The following PPP1R16A variants were observed in gnomAD, a reference collection of about 807,000 sequenced individuals.
PPP1R16A encodes myosin phosphatase-targeting subunit 3.
PPP1R16A carries 39 observed loss-of-function variants against 46.6 expected under a neutral mutation model. That is an observed-to-expected ratio of 0.84 (90% CI 0.65 to 1.09). The LOEUF (loss-of-function observed/expected upper bound fraction) is 1.09, where lower values mean the gene tolerates loss of function less well. Ranked by LOEUF, PPP1R16A falls within the 50% of genes least tolerant of loss-of-function variation. PPP1R16A has a pLI of 0.00. For synonymous variants in PPP1R16A, 413 were observed against 321.5 expected (o/e 1.28, Z -3.04); for missense variants, 798 against 735.6 (o/e 1.08, Z -0.98).
rs1191224885 is a variant in PPP1R16A, at chr8:144,500,259, C to T, written c.581-8C>T. 10 of 1,561,294 alleles carry T rather than the reference C, an allele frequency of 6.4e-6. No individual in the cohort carries two copies. In the Admixed American group the frequency reaches 1.3e-4, roughly 21 times the overall value. On this transcript the variant is annotated splice_polypyrimidine_tract_variant and splice_region_variant and intron_variant, in intron 6 of 11. Transcript: ENST00000435887. Reference sequence around the variant, plus strand: ...GGTCGCGCTCCCTCTGAGCCTGCCGCCTCGCAGGCATCACCCAGGACAGCA... The same window carrying T: ...GGTCGCGCTCCCTCTGAGCCTGCCGTCTCGCAGGCATCACCCAGGACAGCA...
At chr8:144,497,984 C>A in intron 3 of PPP1R16A, 2 of 453,728 alleles carry the variant, frequency 4.4e-6, no homozygotes, top group Non-Finnish European at 8.9e-6. Flanking sequence ...CACCTGTGCC[C>A]CACGCTTGCA....
intron 2 of PPP1R16A, chr8:144,495,515 A>G (rs1268777022): frequency 6.6e-6 from 1 of 152,124 alleles, no homozygotes; most frequent in African/African-American, 2.4e-5. Context: ...GGCTCATTGC[A>G]AGCTCTGCCT....
intron 2 of PPP1R16A, among the ~76,000 whole-genome samples, chr8:144,492,834 C>T (rs1048186901): frequency 2.6e-5 from 4 of 152,156 alleles, no homozygotes; most frequent in Admixed American, 2.6e-4. Flanking sequence ...CTTTGAATGG[C>T]ATGCGGCCTC....
intron 2 of PPP1R16A, among the ~76,000 whole-genome samples, chr8:144,494,617 C>T (rs1007148927): frequency 9.2e-5 from 14 of 152,188 alleles, no homozygotes; most frequent in African/African-American, 3.1e-4. Context: ...CTTAATCTTT[C>T]CTTCCCGTGG....
chr8:144,478,059 G>T lies in PPP1R16A; in HGVS notation c.-982G>T, dbSNP rs1222248537. The T allele has an allele frequency of 1.8e-5, 7 of 395,354 alleles. No individual in the cohort carries two copies. Among genetic ancestry groups the T allele is most frequent in the Non-Finnish European group, 3.1e-5 (7 of 223,964 alleles). 24.5% of individuals were successfully genotyped at this position (395,354 alleles called of 1,614,324 possible). A position where few individuals can be genotyped will look rare whatever the true frequency, so the allele number is the denominator to read the frequency against. ...GGGCCCGCCCCCGCAGCGCCTCAGG[G>T]AGCGCGGGGCCCACTGACCCGCGGA... is the stretch of plus-strand genomic sequence containing the variant. On this transcript the variant is annotated 5_prime_UTR_variant, in exon 1 of 12. Coordinates refer to ENST00000435887, the MANE Select transcript of PPP1R16A (RefSeq NM_001329443.2).
intron 2 of PPP1R16A, among the ~76,000 whole-genome samples, chr8:144,491,618 C>T (rs571575444): frequency 6.6e-6 from 1 of 152,064 alleles, no homozygotes; most frequent in Non-Finnish European, 1.5e-5. Flanking sequence ...AAAAAATTAG[C>T]TGGGTGTGGT....
At chr8:144,489,673 C>T (rs567303772) in intron 1 of PPP1R16A, among the ~76,000 whole-genome samples, 2 of 152,250 alleles carry the variant, frequency 1.3e-5, no homozygotes, top group South Asian at 2.1e-4. Flanking sequence ...CCTCAGTAGA[C>T]GTGGTGTGAC....
At chr8:144,494,538 G>T (rs1285534356) in intron 2 of PPP1R16A, among the ~76,000 whole-genome samples, 1 of 152,074 alleles carries the variant, frequency 6.6e-6, no homozygotes, top group African/African-American at 2.4e-5. Context: ...GAACTCCTGG[G>T]TTCAAGTGAT....
chr8:144,478,010 T>C lies in PPP1R16A; in HGVS notation c.-1031T>C, dbSNP rs1365372816. On this transcript the variant is annotated 5_prime_UTR_variant, in exon 1 of 12. Coordinates refer to ENST00000435887, the MANE Select transcript of PPP1R16A (RefSeq NM_001329443.2). ...GGTACCGCGGGCCGGAAGTGTAGCG[T>C]TGCCATGGCGAGGGCCGGGTGCGGG... 3 of 392,148 alleles carry C rather than the reference T, an allele frequency of 7.7e-6. No individual in the cohort carries two copies. Among genetic ancestry groups the C allele is most frequent in the Non-Finnish European group, 1.4e-5 (3 of 221,904 alleles). The allele number at this position is 392,148 out of a possible 1,614,324, so 24.3% of individuals were successfully genotyped here.
rs761989809 is a variant in PPP1R16A at position 144,501,055 on chromosome 8, CAG to C, written c.1038-71_1038-70del. 2.9e-5 allele frequency: 45 copies of C among 1,538,856 alleles called. 1 individual carries two copies. In the Middle Eastern group the frequency reaches 2.8e-3, roughly 94 times the overall value. ...GGCGGAGTGCCAGCCGAACTGGGGG[CAG>C]AGTCCGAGGGGGTGGGCGGGGTCCT... On this transcript the variant is annotated intron_variant, in intron 10 of 11. Transcript: ENST00000435887.
intron 3 of PPP1R16A, chr8:144,498,269 C>T: frequency 2.8e-6 from 1 of 358,538 alleles, no homozygotes; most frequent in Non-Finnish European, 5.6e-6. Flanking sequence ...ACCCTGGTGA[C>T]CTGGGCGAGA....
intron 3 of PPP1R16A, 132 bp downstream of exon 3, chr8:144,497,585 G>A: frequency 7.5e-7 from 1 of 1,337,786 alleles, no homozygotes; most frequent in Non-Finnish European, 1.0e-6. Flanking sequence ...ATCTTGCCTG[G>A]TCTCTTCAGG....
rs908561037 is a variant in PPP1R16A at position 144,500,481 on chromosome 8, C to A, written c.706-6C>A. 1 of 1,576,490 alleles carries A rather than the reference C, an allele frequency of 6.3e-7. No homozygotes were observed. Among genetic ancestry groups the A allele is most frequent in the South Asian group, 1.1e-5 (1 of 88,358 alleles). On this transcript the variant is annotated splice_polypyrimidine_tract_variant and splice_region_variant and intron_variant, in intron 7 of 11. Coordinates refer to ENST00000435887, the MANE Select transcript of PPP1R16A (RefSeq NM_001329443.2). ...GGCCGAATTCAGGCCGGGCGCTTGC[C>A]TGCAGCTGCACGTCGCAGCCGCCAA... is the stretch of plus-strand genomic sequence containing the variant.
At position 144,500,147 on chromosome 8, in the gene PPP1R16A, G is replaced by A; in HGVS notation, c.528G>A (p.Leu176=). The change falls in exon 6 of 12, where the codon CTG becomes CTA. Residue 176 remains leucine (L), a synonymous_variant. Coordinates refer to ENST00000435887, the MANE Select transcript of PPP1R16A (RefSeq NM_001329443.2). ...CCGACGGGAACATGCCCTATGACCT[G>A]TGTGATGATGAGCAGACGCTGGACT... ...VNTDGNMPYD[L]CDDEQTLDCL... The A allele has an allele frequency of 6.2e-7, 1 of 1,612,416 alleles. No individual in the cohort carries two copies. The highest frequency in any genetic ancestry group is 2.2e-5 in the East Asian group (1 of 44,824).
rs1246490808 is a variant in PPP1R16A, at chr8:144,493,181, A to T, written c.-735+2969A>T. ...GGGACGGTGGGTGGGGGTCGGGGAC[A>T]GTGCCCAGTATCCTCCATGGGGCTC... On this transcript the variant is annotated intron_variant, in intron 2 of 11. Transcript: ENST00000435887. This position sits in a 1 kb window ranked among gnomAD's most constrained non-coding sequence, Gnocchi z 4.3. Among the ~76,000 whole-genome samples, 4 of 152,078 alleles carry T rather than the reference A, an allele frequency of 2.6e-5. No homozygotes were observed. The highest frequency in any genetic ancestry group is 4.4e-5 in the Non-Finnish European group (3 of 67,972).
intron 2 of PPP1R16A, among the ~76,000 whole-genome samples, chr8:144,494,900 A>C (rs1345517408): frequency 6.6e-6 from 1 of 152,162 alleles, no homozygotes; most frequent in Non-Finnish European, 1.5e-5. Context: ...GCATGCCTGC[A>C]AGACTGGCTC....
chr8:144,485,506 A>G (rs1825600570), intron 1 of PPP1R16A, among the ~76,000 whole-genome samples: 1 of 149,950 alleles, frequency 6.7e-6, no homozygotes, highest in Non-Finnish European at 1.5e-5. Context: ...CCCGGGCAAC[A>G]GAGCAACACT....
chr8:144,482,122 A>G (rs1453839295), intron 1 of PPP1R16A, among the ~76,000 whole-genome samples: 1 of 150,772 alleles, frequency 6.6e-6, no homozygotes, highest in East Asian at 2.0e-4. Flanking sequence ...GAGTCTTGCC[A>G]AGTGCAGTGG....
At chr8:144,499,980 G>C in intron 5 of PPP1R16A, 116 bp from the exon 6 acceptor site, 1 of 1,011,926 alleles carries the variant, frequency 9.9e-7, no homozygotes, top group Non-Finnish European at 1.5e-6. Flanking sequence ...GGTGGACAGG[G>C]TGCCTCCTGA....
Sources: gnomAD v4.1 joint callset for allele counts (sites outside exome capture counted in the v4.1 genomes callset) on GRCh38, gnomAD v4.1.1 for gene constraint, Gnocchi (gnomAD v3.1) non-coding constraint, MANE v1.5 for transcripts, NCBI Gene and HGNC (gene_info 2026-07-23, HGNC 2026-07-21) for gene names.